Variants in PRR16 observed in about 807,000 individuals in gnomAD.
PRR16 encodes proline rich 16, also known as protein Largen.
A neutral mutation model predicts 18.2 loss-of-function variants in PRR16; 6 were observed. That is an observed-to-expected ratio of 0.33 (90% CI 0.18 to 0.65). The LOEUF is 0.65. Among genes scored for constraint, PRR16 ranks in the 30% least tolerant of loss-of-function variants. The pLI is 0.74. For synonymous variants in PRR16, 151 were observed against 147.8 expected (o/e 1.02, Z -0.16); for missense variants, 412 against 376.6 (o/e 1.09, Z -0.78).
intron 1 of PRR16, among the ~76,000 whole-genome samples, chr5:120,534,305 C>T (rs571740976): frequency 2.0e-5 from 3 of 152,138 alleles, no homozygotes; most frequent in Non-Finnish European, 4.4e-5. Flanking sequence ...CTGCCCCACA[C>T]ACATCTATTG....
chr5:120,558,300 A>T (rs922417424), intron 1 of PRR16, among the ~76,000 whole-genome samples: 6 of 151,694 alleles, frequency 4.0e-5, no homozygotes, highest in African/African-American at 9.7e-5. Flanking sequence ...CTCTTCCCCA[A>T]CTACCCTTTT....
intron 1 of PRR16, among the ~76,000 whole-genome samples, chr5:120,499,698 T>A (rs981857639): frequency 6.6e-6 from 1 of 152,150 alleles, no homozygotes; most frequent in Non-Finnish European, 1.5e-5. Context: ...CTTTGAAGCA[T>A]TTTCTGTGAC....
At chr5:120,736,508 G>A in the PRR16 span, among the ~76,000 whole-genome samples, 15 of 136,204 alleles carry the variant, frequency 1.1e-4, no homozygotes, top group South Asian at 7.3e-4. Flanking sequence ...CAAGTGACCC[G>A]CCCTCCTCGG....
At chr5:120,645,671 T>C (rs935100316) in intron 1 of PRR16, among the ~76,000 whole-genome samples, 2 of 152,002 alleles carry the variant, frequency 1.3e-5, no homozygotes, top group Non-Finnish European at 2.9e-5. Flanking sequence ...GATACATATG[T>C]TTGTGGGTCC....
At chr5:120,586,034 G>A (rs899132357) in intron 1 of PRR16, among the ~76,000 whole-genome samples, 19 of 151,958 alleles carry the variant, frequency 1.3e-4, no homozygotes, top group South Asian at 2.1e-4. Flanking sequence ...TTAGCTGGGC[G>A]TGGTGGCACG....
chr5:120,667,080 A>C (rs578253515), intron 1 of PRR16, among the ~76,000 whole-genome samples: 1,782 of 152,100 alleles, frequency 0.012, 17 homozygotes, highest in South Asian at 0.028. Context: ...CTGTGAATCC[A>C]TCTGGTCCTG....
At chr5:120,477,809 A>G (rs544862752) in intron 1 of PRR16, among the ~76,000 whole-genome samples, 12 of 152,256 alleles carry the variant, frequency 7.9e-5, no homozygotes, top group African/African-American at 2.6e-4. Flanking sequence ...CAGTCACAGT[A>G]GTCGGCTGTT....
In PRR16 at chr5:120,656,133, C is replaced by T. The variant is rs1306065802; in HGVS notation, c.160-29821C>T. ...TTTCGTTATTCTCAAAATATCATCA[C>T]CACCTTTTCACCAATGACTGTCTTT... On this transcript the variant is annotated intron_variant, in intron 1 of 1. Transcript: ENST00000407149. 3.3e-5 allele frequency among the ~76,000 whole-genome samples: 5 copies of T among 151,934 alleles called. No individual in the cohort carries two copies. The East Asian group carries it at 7.8e-4, about 24-fold the overall frequency.
chr5:120,707,930 C>G, the PRR16 span, among the ~76,000 whole-genome samples: 37 of 152,204 alleles, frequency 2.4e-4, no homozygotes, highest in African/African-American at 7.9e-4. Flanking sequence ...GGGCTATAAA[C>G]CAATGGCCTG....
chr5:120,767,535 A>C, the PRR16 span, among the ~76,000 whole-genome samples: 1 of 151,898 alleles, frequency 6.6e-6, no homozygotes, highest in Non-Finnish European at 1.5e-5. Context: ...CTTCACTCCA[A>C]TTTGAAGAGT....
chr5:120,642,142 A>G (rs1375478788), intron 1 of PRR16, among the ~76,000 whole-genome samples: 2 of 152,058 alleles, frequency 1.3e-5, no homozygotes, highest in African/African-American at 4.8e-5. Flanking sequence ...CATCTGGATG[A>G]TGAAGACACC....
chr5:120,714,942 A>T, the PRR16 span, among the ~76,000 whole-genome samples: 2 of 152,128 alleles, frequency 1.3e-5, no homozygotes, highest in Non-Finnish European at 1.5e-5. Context: ...GAAAAATGAG[A>T]ACACATGGAC....
At chr5:120,730,346 A>G in the PRR16 span, among the ~76,000 whole-genome samples, 2 of 152,166 alleles carry the variant, frequency 1.3e-5, no homozygotes, top group African/African-American at 4.8e-5. Flanking sequence ...AAGATGTGCA[A>G]TTAATTTAGG....
chr5:120,744,092 A>C, the PRR16 span, among the ~76,000 whole-genome samples: 1 of 151,968 alleles, frequency 6.6e-6, no homozygotes, highest in African/African-American at 2.4e-5. Context: ...ATACTATGGC[A>C]CTTGCTTTTG....
intron 1 of PRR16, among the ~76,000 whole-genome samples, chr5:120,649,009 A>G (rs1160767581): frequency 6.6e-6 from 1 of 152,176 alleles, no homozygotes; most frequent in African/African-American, 2.4e-5. Context: ...TGTTTTTAAT[A>G]TGATTAATTG....
At chr5:120,505,803 A>G (rs887619097) in intron 1 of PRR16, among the ~76,000 whole-genome samples, 3 of 151,980 alleles carry the variant, frequency 2.0e-5, no homozygotes, top group Non-Finnish European at 4.4e-5. Context: ...TGATATAGAT[A>G]TATACATTTT....
chr5:120,700,513 G>A, the PRR16 span, among the ~76,000 whole-genome samples: 2 of 152,044 alleles, frequency 1.3e-5, no homozygotes, highest in Admixed American at 6.6e-5. Context: ...TATAGCTGTA[G>A]TCCAGGAATA....
chr5:120,488,356 T>A (rs1270970664), intron 1 of PRR16, among the ~76,000 whole-genome samples: 1 of 152,194 alleles, frequency 6.6e-6, no homozygotes, highest in Non-Finnish European at 1.5e-5. Flanking sequence ...GAGATTCAAC[T>A]TCTTCCTGGC....
At chr5:120,604,234 C>G (rs1409186908) in intron 1 of PRR16, among the ~76,000 whole-genome samples, 1 of 151,872 alleles carries the variant, frequency 6.6e-6, no homozygotes, top group African/African-American at 2.4e-5. Context: ...TCTAGGTACT[C>G]CTGTGGTGGG....
Sources: allele counts gnomAD v4.1 joint callset (sites outside exome capture counted in the v4.1 genomes callset), GRCh38; gene constraint gnomAD v4.1.1; transcripts MANE v1.5; gene names NCBI Gene and HGNC (gene_info 2026-07-23, HGNC 2026-07-21).